Variants in LRBA observed in about 807,000 individuals in gnomAD.
LRBA encodes the protein LPS responsive beige-like anchor protein, also known as lipopolysaccharide-responsive and beige-like anchor protein.
A neutral mutation model predicts 330.0 loss-of-function variants in LRBA; 176 were observed. The observed-to-expected ratio is 0.53, with a 90% CI of 0.47 to 0.60. The LOEUF is 0.60. Ranked by LOEUF, LRBA falls within the 20% of genes least tolerant of loss-of-function variation. The pLI is 0.00. For missense variants in LRBA, 3,259 were observed against 3,444.8 expected, an observed-to-expected ratio of 0.95 and a Z score of 1.35; for synonymous variants, 1,230 against 1,193.0, an observed-to-expected ratio of 1.03 and a Z score of -0.64.
At chr4:150,472,057 T>C (rs2152069010) in intron 42 of LRBA, among the ~76,000 whole-genome samples, 1 of 152,180 alleles carries the variant, frequency 6.6e-6, no homozygotes, top group Admixed American at 6.5e-5. Flanking sequence ...AAAGAAGAAA[T>C]TATAGCAGCT....
chr4:150,291,238 A>C (rs544103447), intron 53 of LRBA, among the ~76,000 whole-genome samples: 25 of 146,288 alleles, frequency 1.7e-4, no homozygotes, highest in African/African-American at 6.1e-4. Flanking sequence ...TAATTAAACT[A>C]AAGAGCTTCT....
intron 20 of LRBA, among the ~76,000 whole-genome samples, chr4:150,869,420 G>A (rs1477474471): frequency 1.3e-5 from 2 of 152,064 alleles, no homozygotes; most frequent in Non-Finnish European, 2.9e-5. Flanking sequence ...CAGGCACAGC[G>A]GCTCATGCCT....
In LRBA at chr4:150,806,169, A is replaced by G. The variant is rs1742764609; in HGVS notation, c.5518+102T>C. On this transcript the variant is annotated intron_variant, in intron 33 of 56. Coordinates refer to ENST00000651943, the MANE Select transcript of LRBA (RefSeq NM_001364905.1). ...CTATGAGAAACCTTGTCAAAGGCTG[A>G]CAACACTTAAACAATGAAACTCCAT... The G allele has an allele frequency of 3.5e-6, 3 of 857,022 alleles. No homozygotes were observed. In the African/African-American group the frequency reaches 5.3e-5, roughly 15 times the overall value. The allele number at this position is 857,022 out of a possible 1,614,324, so 53.1% of individuals were successfully genotyped here.
At chr4:150,430,249 T>G (rs1421472534) in intron 46 of LRBA, among the ~76,000 whole-genome samples, 4 of 152,176 alleles carry the variant, frequency 2.6e-5, no homozygotes, top group African/African-American at 9.7e-5. Flanking sequence ...ACTTACTGAC[T>G]GCTTCCACTC....
intron 40 of LRBA, among the ~76,000 whole-genome samples, chr4:150,567,135 T>C (rs1769237682): frequency 6.6e-6 from 1 of 152,168 alleles, no homozygotes; most frequent in Non-Finnish European, 1.5e-5. Context: ...TAACATTGTT[T>C]AGACTGCAAT....
intron 37 of LRBA, among the ~76,000 whole-genome samples, chr4:150,611,963 C>T (rs548098219): frequency 5.3e-5 from 8 of 152,250 alleles, no homozygotes; most frequent in Admixed American, 2.6e-4. Flanking sequence ...AGTGCAGTGG[C>T]ACAATCACGG....
intron 34 of LRBA, among the ~76,000 whole-genome samples, chr4:150,792,936 CAG>C (rs1740193808): frequency 6.6e-6 from 1 of 152,020 alleles, no homozygotes; most frequent in African/African-American, 2.4e-5. Flanking sequence ...CAAAATTAGC[CAG>C]GCATGGTGGC....
chr4:150,807,374 G>A (rs1042651699), intron 32 of LRBA, among the ~76,000 whole-genome samples: 1 of 152,042 alleles, frequency 6.6e-6, no homozygotes, highest in African/African-American at 2.4e-5. Flanking sequence ...TGTTATCCCT[G>A]AAGAGTATCA....
chr4:150,504,796 TCAAG>T (rs1418879576), intron 40 of LRBA, among the ~76,000 whole-genome samples: 1 of 151,730 alleles, frequency 6.6e-6, no homozygotes, highest in Non-Finnish European at 1.5e-5. Flanking sequence ...GGATAAAGAG[TCAAG>T]ACCCATCAGT....
At chr4:150,406,837 G>C (rs1013130639) in intron 47 of LRBA, among the ~76,000 whole-genome samples, 7 of 152,114 alleles carry the variant, frequency 4.6e-5, no homozygotes, top group African/African-American at 1.7e-4. Context: ...CTGGAGTGCA[G>C]TGGCATAATT....
intron 36 of LRBA, among the ~76,000 whole-genome samples, chr4:150,704,749 G>A (rs1312210768): frequency 6.6e-6 from 1 of 151,990 alleles, no homozygotes; most frequent in African/African-American, 2.4e-5. Flanking sequence ...GTAATAAATT[G>A]ATAATCACTA....
chr4:150,991,804 C>G (rs1742117597), intron 2 of LRBA, among the ~76,000 whole-genome samples: 1 of 152,160 alleles, frequency 6.6e-6, no homozygotes, highest in Non-Finnish European at 1.5e-5. Flanking sequence ...CTATGTAAAT[C>G]ATACCTTAAT....
intron 48 of LRBA, among the ~76,000 whole-genome samples, chr4:150,334,098 T>C (rs1192936167): frequency 3.3e-5 from 5 of 152,082 alleles, no homozygotes; most frequent in Non-Finnish European, 5.9e-5. Flanking sequence ...ATTCACAAAA[T>C]TAAAAAGTAG....
rs919813694 is a variant in LRBA, at chr4:150,921,887, G to A, written c.550-594C>T. Reference sequence around the variant, plus strand: ...ATTACAGGTGCACGCCACCACACCCGGCTAACTTTTGTACTTTTAGTAGAG... The same window carrying A: ...ATTACAGGTGCACGCCACCACACCCAGCTAACTTTTGTACTTTTAGTAGAG... On this transcript the variant is annotated intron_variant, in intron 4 of 56. Transcript: ENST00000651943. 2.0e-5 allele frequency among the ~76,000 whole-genome samples: 3 copies of A among 152,238 alleles called. No individual in the cohort carries two copies. In the East Asian group the frequency reaches 5.8e-4, roughly 29 times the overall value.
intron 38 of LRBA, among the ~76,000 whole-genome samples, chr4:150,598,692 CA>C (rs1438457557): frequency 6.6e-6 from 1 of 152,172 alleles, no homozygotes; most frequent in Non-Finnish European, 1.5e-5. Flanking sequence ...GGATTTAAGG[CA>C]TGCCTCCTGG....
intron 2 of LRBA, among the ~76,000 whole-genome samples, chr4:150,976,701 C>CACACCACCTGGTTTTA (rs144079416): frequency 6.6e-6 from 1 of 152,004 alleles, no homozygotes; most frequent in Non-Finnish European, 1.5e-5. Context: ...GGTGAGCAAT[C>CACACCACCTGGTTTTA]ACTTCGTATC....
chr4:150,659,189 T>C (rs1384467268), intron 37 of LRBA, among the ~76,000 whole-genome samples: 1 of 110,770 alleles, frequency 9.0e-6, no homozygotes, highest in Non-Finnish European at 2.0e-5. Flanking sequence ...TCGTCTGGGA[T>C]GTGAGGAGCC....
intron 55 of LRBA, among the ~76,000 whole-genome samples, chr4:150,279,388 A>G (rs928740054): frequency 3.3e-5 from 5 of 152,154 alleles, no homozygotes; most frequent in Non-Finnish European, 7.4e-5. Context: ...TCTTTAGTGG[A>G]TGGCATCAGA....
At chr4:150,870,410 T>C (rs1753281428) in intron 20 of LRBA, 115 bp downstream of exon 20, 2 of 700,262 alleles carry the variant, frequency 2.9e-6, no homozygotes, top group Non-Finnish European at 2.6e-6. Context: ...TCATCACCCT[T>C]AATGAAACAT....
Sources: allele counts gnomAD v4.1 joint callset (sites outside exome capture counted in the v4.1 genomes callset), GRCh38; gene constraint gnomAD v4.1.1; transcripts MANE v1.5; gene names NCBI Gene and HGNC (gene_info 2026-07-23, HGNC 2026-07-21).